NXF3: variants seen among roughly 807,000 people sequenced by gnomAD.
NXF3 encodes nuclear RNA export factor 3.
NXF3 carries 34 observed loss-of-function variants against 48.4 expected under a neutral mutation model. The ratio of observed to expected loss-of-function variants is 0.70; its 90% CI spans 0.53 to 0.93. NXF3 has a LOEUF of 0.93. Ranked by LOEUF, NXF3 falls within the 40% of genes least tolerant of loss-of-function variation. NXF3 has a pLI of 0.00. For synonymous variants in NXF3, 132 were observed against 145.7 expected, an observed-to-expected ratio of 0.91 and a Z score of 0.68; for missense variants, 359 against 406.1, an observed-to-expected ratio of 0.88 and a Z score of 1.00.
At chrX:103,083,865 C>G (rs1434232855) in intron 3 of NXF3, among the ~76,000 whole-genome samples, 173 bp from the exon 4 acceptor site, 1 of 112,133 alleles carries the variant, frequency 8.9e-6, no homozygotes, top group African/African-American at 3.2e-5. Context: ...TTTCTAATAT[C>G]TATTATTTCT....
intron 10 of NXF3, 72 bp from the exon 11 acceptor site, chrX:103,080,288 C>A: frequency 9.9e-7 from 1 of 1,005,594 alleles, no homozygotes; most frequent in Non-Finnish European, 1.4e-6. Flanking sequence ...AAAGGATAGA[C>A]CCAGGAGAGG....
intron 1 of NXF3, among the ~76,000 whole-genome samples, chrX:103,091,028 G>T (rs1702274061): frequency 8.9e-6 from 1 of 111,876 alleles, no homozygotes; most frequent in African/African-American, 3.2e-5. Context: ...AATGTTCAAG[G>T]TTTTCTCCTT....
Position 103,084,535 on chromosome X carries a change from G to A in NXF3, c.198-40C>T, listed in dbSNP as rs186991324. 57 of 1,194,284 alleles carry A rather than the reference G, an allele frequency of 4.8e-5. No individual in the cohort carries two copies. The Admixed American group carries it at 5.7e-4, about 12-fold the overall frequency. On this transcript the variant is annotated intron_variant, in intron 2 of 19. Transcript: ENST00000395065. The stretch of plus-strand genomic sequence containing the variant: ...AGAAAAGGTAGTTCACATATGCTCC[G>A]AAAGTATTTTATACACATTTGATCC...
Position 103,080,205 on chromosome X carries a change from C to T in NXF3, c.939G>A (p.Gln313=), listed in dbSNP as rs751930626. The change falls in exon 11 of 20, where the codon CAG becomes CAA. Residue 313 remains glutamine, a synonymous_variant. Transcript: ENST00000395065. ...TACCACATAAAGTTGCTCTGGGTGA[C>T]TGCTGGCCATCCTGGGGAAGGCAAG... ...FPKLLCLDGQ[Q]SPRATLCGTE... is the part of the protein sequence containing the mutation. 1.7e-6 allele frequency: 2 copies of T among 1,211,396 alleles called. No individual in the cohort carries two copies. The highest frequency in any genetic ancestry group is 4.3e-5 in the Admixed American group (2 of 46,014).
intron 4 of NXF3, 34 bp downstream of exon 4, chrX:103,083,575 G>C (rs1425417493): frequency 8.5e-7 from 1 of 1,179,383 alleles, no homozygotes; most frequent in African/African-American, 1.8e-5. Context: ...AACCTGTCCT[G>C]TTTTCTCTCG....
chrX:103,083,861 A>G (rs1922080196), intron 3 of NXF3, among the ~76,000 whole-genome samples, 169 bp from the exon 4 acceptor site: 1 of 112,218 alleles, frequency 8.9e-6, no homozygotes, highest in South Asian at 3.7e-4. Context: ...ATTATTTCTA[A>G]TATCTATTAT....
At position 103,080,556 on chromosome X, in the gene NXF3, T is replaced by C. The variant is rs930392622; in HGVS notation, c.927+20A>G. 5 of 1,202,142 alleles carry C rather than the reference T, an allele frequency of 4.2e-6. No homozygotes were observed. Among genetic ancestry groups the C allele is most frequent in the Non-Finnish European group, 4.5e-6 (4 of 886,822 alleles). ...CATCAGTCCCAATTAGGAAAGTCAA[T>C]GATCAAGGAATACACTTACCAGGCA... On this transcript the variant is annotated intron_variant, in intron 10 of 19. Coordinates refer to ENST00000395065, the MANE Select transcript of NXF3 (RefSeq NM_022052.2).
intron 1 of NXF3, among the ~76,000 whole-genome samples, chrX:103,090,510 A>G (rs1293202989): frequency 8.9e-6 from 1 of 112,265 alleles, no homozygotes; most frequent in East Asian, 2.8e-4. Context: ...TTCAGGAATG[A>G]CATTTTCTAG....
chrX:103,081,288 G>A (rs1288776588), intron 9 of NXF3: 1 of 112,644 alleles, frequency 8.9e-6, no homozygotes, highest in African/African-American at 3.2e-5. Context: ...TCTCACCTGT[G>A]TGAGCTCAGT....
intron 12 of NXF3, 26 bp from the exon 13 acceptor site, chrX:103,079,896 T>C: frequency 1.7e-6 from 2 of 1,184,136 alleles, no homozygotes; most frequent in South Asian, 3.6e-5. Flanking sequence ...GAGGACAGGC[T>C]ATCTCTGTGG....
intron 16 of NXF3, 47 bp from the exon 17 acceptor site, chrX:103,078,679 C>T (rs1569279395): frequency 9.9e-6 from 12 of 1,206,448 alleles, no homozygotes; most frequent in African/African-American, 5.2e-5. Flanking sequence ...ACAGGCTTTA[C>T]GTGCTCACAT....
chrX:103,088,519 C>T (rs1922207054), intron 1 of NXF3: 2 of 1,068,408 alleles, frequency 1.9e-6, no homozygotes, highest in African/African-American at 1.8e-5. Flanking sequence ...ATAAGAAAGA[C>T]TTGTCAATCT....
At chrX:103,086,101 C>T (rs946306498) in intron 1 of NXF3, among the ~76,000 whole-genome samples, 6 of 109,442 alleles carry the variant, frequency 5.5e-5, no homozygotes, top group African/African-American at 1.7e-4. Context: ...TGTCGGCCAC[C>T]GTGCCCGGCC....
rs1922095737 is a variant in NXF3, at chrX:103,084,415, T to A, written c.278A>T (p.Glu93Val). Residue 93 changes from glutamate (E) to valine (V), a missense_variant, in exon 3 of 20, where the codon GAG (glutamate) becomes GTG (valine). Coordinates refer to ENST00000395065, the MANE Select transcript of NXF3 (RefSeq NM_022052.2). ...QDQTHVNMER[E>V]QKPPERRMEG... ...CATTCTTCTCTCTGGAGGTTTTTGC[T>A]CTCTCTCCATGTTAACGTGGGTTTG... 1 of 1,209,745 alleles carries A rather than the reference T, an allele frequency of 8.3e-7. No individual in the cohort carries two copies. The highest frequency in any genetic ancestry group is 1.8e-5 in the African/African-American group (1 of 57,108).
intron 1 of NXF3, chrX:103,089,403 C>A: frequency 3.7e-6 from 1 of 273,247 alleles, no homozygotes; most frequent in Non-Finnish European, 6.4e-6. Context: ...ATTTGTTTGT[C>A]CTGCATAGTA....
chrX:103,082,760 T>C lies in NXF3; in HGVS notation c.780A>G (p.Thr260=). The change falls in exon 8 of 20, where the codon ACA becomes ACG. Residue 260 remains threonine (T), a splice_region_variant and synonymous_variant. Transcript: ENST00000395065. ...SLDVHEENIP[T]VMSAGEMDKW... ...TCCCAGCATGAGCCTAAGGCCTCAC[T>C]GTAGGTATGTTCTCTTCATGGACGT... 1 of 1,198,127 alleles carries C rather than the reference T, an allele frequency of 8.3e-7. No homozygotes were observed. Among genetic ancestry groups the C allele is most frequent in the Non-Finnish European group, 1.1e-6 (1 of 882,922 alleles).
At chrX:103,089,008 T>C in intron 1 of NXF3, 1 of 1,167,002 alleles carries the variant, frequency 8.6e-7, no homozygotes, top group Non-Finnish European at 1.2e-6. Flanking sequence ...AATGTACTTT[T>C]GGAATCAGAG....
At chrX:103,085,050 G>C (rs765814583) in intron 1 of NXF3, among the ~76,000 whole-genome samples, 167 bp from the exon 2 acceptor site, 3 of 111,818 alleles carry the variant, frequency 2.7e-5, no homozygotes, top group Admixed American at 1.9e-4. Context: ...CTGTGGCCTT[G>C]TCCTCTATGG....
intron 1 of NXF3, among the ~76,000 whole-genome samples, chrX:103,085,900 C>CAAAAAAAAAAAAAAAAAA (rs56135590): frequency 4.6e-5 from 2 of 43,533 alleles, no homozygotes; most frequent in Non-Finnish European, 8.0e-5. Flanking sequence ...GAGACTCTGT[C>CAAAAAAAAAAAAAAAAAA]AAAAAAAAAA....
Sources: gnomAD v4.1 joint callset for allele counts (sites outside exome capture counted in the v4.1 genomes callset) on GRCh38, gnomAD v4.1.1 for gene constraint, MANE v1.5 for transcripts, NCBI Gene and HGNC (gene_info 2026-07-23, HGNC 2026-07-21) for gene names.